MRPL42: variants seen among roughly 807,000 people sequenced by gnomAD.
The protein encoded by MRPL42 is large ribosomal subunit protein mL42.
Under a neutral mutation model 17.9 loss-of-function variants are expected in MRPL42, and 17 were observed. The observed-to-expected ratio is 0.95, with a 90% CI of 0.65 to 1.42. The LOEUF is 1.42. MRPL42 is among the 40% of genes most tolerant of loss of function. The probability of loss-of-function intolerance (pLI) is 0.00; values close to 1 mark genes in which losing one functional copy is unlikely to be tolerated. For synonymous variants in MRPL42, 59 were observed against 54.4 expected, an observed-to-expected ratio of 1.08 and a Z score of -0.37; for missense variants, 177 against 175.2, an observed-to-expected ratio of 1.01 and a Z score of -0.06.
intron 4 of MRPL42, among the ~76,000 whole-genome samples, chr12:93,481,589 T>G (rs1880467049): frequency 6.6e-6 from 1 of 152,168 alleles, no homozygotes; most frequent in South Asian, 2.1e-4. Flanking sequence ...CCAATACTGT[T>G]TTACCCTCAT....
chr12:93,510,015 A>T lies in MRPL42; in HGVS notation c.*8794A>T, dbSNP rs1953711757. ...TGGTGCTGTACAATCTATGGGTTTG[A>T]ACAAAGGTACAATGACATGTATCCA... On this transcript the variant is annotated 3_prime_UTR_variant, in exon 6 of 6. Transcript: ENST00000549982. 1.3e-5 allele frequency: 2 copies of T among 152,156 alleles called. No individual in the cohort carries two copies. Among genetic ancestry groups the T allele is most frequent in the African/African-American group, 4.8e-5 (2 of 41,428 alleles). The allele number at this position is 152,156 out of a possible 1,614,324, so 9.4% of individuals were successfully genotyped here. A position where few individuals can be genotyped will look rare whatever the true frequency, so the allele number is the denominator to read the frequency against.
chr12:93,509,578 A>C lies in MRPL42; in HGVS notation c.*8357A>C, dbSNP rs2121301707. On this transcript the variant is annotated 3_prime_UTR_variant, in exon 6 of 6. Coordinates refer to ENST00000549982, the MANE Select transcript of MRPL42 (RefSeq NM_014050.4). ...AGTCCAGAAGTTCTGGGTTGTAGTG[A>C]GCTATGTCAATCAGGTGTTTGCACT... 1 of 152,130 alleles carries C rather than the reference A, an allele frequency of 6.6e-6. No individual in the cohort carries two copies. Among genetic ancestry groups the C allele is most frequent in the African/African-American group, 2.4e-5 (1 of 41,490 alleles). 9.4% of individuals were successfully genotyped at this position (152,130 alleles called of 1,614,324 possible).
In MRPL42 at chr12:93,467,567, C is replaced by T. The variant is rs552458177; in HGVS notation, c.-95+13C>T. ...AGAAGCCGTCAAGGTAACCGCTTCC[C>T]TCTACTCCTCCTGTCGAGGACTTCC... On this transcript the variant is annotated intron_variant, in intron 1 of 5. Coordinates refer to ENST00000549982, the MANE Select transcript of MRPL42 (RefSeq NM_014050.4). 35 of 152,518 alleles carry T rather than the reference C, an allele frequency of 2.3e-4. 1 individual carries two copies. Among genetic ancestry groups the T allele is most frequent in the African/African-American group, 8.2e-4 (34 of 41,304 alleles). 9.4% of individuals were successfully genotyped at this position (152,518 alleles called of 1,614,324 possible).
chr12:93,496,250 G>C (rs756304914), intron 5 of MRPL42, among the ~76,000 whole-genome samples: 10 of 151,936 alleles, frequency 6.6e-5, no homozygotes, highest in Non-Finnish European at 1.5e-4. Flanking sequence ...GTAAAGGCAG[G>C]GTTTCGCCAT....
rs1953649188 is a variant in MRPL42, at chr12:93,504,729, T to C, written c.*3508T>C. ...AACATTGTTTATATGCCCCCTAAAATGTAACTTCTTTAGATTCTGTTGTTA... is the reference window on the plus strand; with the variant it reads ...AACATTGTTTATATGCCCCCTAAAACGTAACTTCTTTAGATTCTGTTGTTA... On this transcript the variant is annotated 3_prime_UTR_variant, in exon 6 of 6. Transcript: ENST00000549982. 1 of 152,210 alleles carries C rather than the reference T, an allele frequency of 6.6e-6. No homozygotes were observed. Among genetic ancestry groups the C allele is most frequent in the African/African-American group, 2.4e-5 (1 of 41,454 alleles). 9.4% of individuals were successfully genotyped at this position (152,210 alleles called of 1,614,324 possible). A position where few individuals can be genotyped will look rare whatever the true frequency, so the allele number is the denominator to read the frequency against.
At chr12:93,488,366 G>C (rs140729528) in intron 5 of MRPL42, 1 of 398,376 alleles carries the variant, frequency 2.5e-6, no homozygotes, top group Admixed American at 4.4e-5. Context: ...CCTCAGCTGG[G>C]ATTGTAAGAA....
In MRPL42 at chr12:93,507,492, G is replaced by A. The variant is rs1953683738; in HGVS notation, c.*6271G>A. On this transcript the variant is annotated 3_prime_UTR_variant, in exon 6 of 6. Transcript: ENST00000549982. ...GACTTAATGGGTTCTATCTTTTAAG[G>A]GAACTTTGGATGAATCCTTGAATAT... 1 of 152,090 alleles carries A rather than the reference G, an allele frequency of 6.6e-6. No individual in the cohort carries two copies. Among genetic ancestry groups the A allele is most frequent in the Non-Finnish European group, 1.5e-5 (1 of 68,028 alleles). The allele number at this position is 152,090 out of a possible 1,614,324, so 9.4% of individuals were successfully genotyped here. A position where few individuals can be genotyped will look rare whatever the true frequency, so the allele number is the denominator to read the frequency against.
rs1272354381 is a variant in MRPL42, at chr12:93,505,672, T to C, written c.*4451T>C. 6.6e-6 allele frequency: 1 copy of C among 152,216 alleles called. No homozygotes were observed. Among genetic ancestry groups the C allele is most frequent in the African/African-American group, 2.4e-5 (1 of 41,450 alleles). The allele number at this position is 152,216 out of a possible 1,614,324, so 9.4% of individuals were successfully genotyped here. A position where few individuals can be genotyped will look rare whatever the true frequency, so the allele number is the denominator to read the frequency against. The stretch of plus-strand genomic sequence containing the variant: ...ATATTTTGAATGCACTGGGAAGGAA[T>C]ACTCAGGAACAATATGTAATGTGCT... On this transcript the variant is annotated 3_prime_UTR_variant, in exon 6 of 6. Transcript: ENST00000549982.
At chr12:93,486,194 ATG>A (rs1592777754) in intron 4 of MRPL42, among the ~76,000 whole-genome samples, 1 of 152,084 alleles carries the variant, frequency 6.6e-6, no homozygotes, top group Non-Finnish European at 1.5e-5. Flanking sequence ...TATATCATTC[ATG>A]TGTGTTGAGG....
rs1204823470 is a variant in MRPL42 at position 93,509,949 on chromosome 12, A to G, written c.*8728A>G. 1.3e-5 allele frequency: 2 copies of G among 152,076 alleles called. No homozygotes were observed. The highest frequency in any genetic ancestry group is 1.3e-4 in the Admixed American group (2 of 15,260). The allele number at this position is 152,076 out of a possible 1,614,324, so 9.4% of individuals were successfully genotyped here. On this transcript the variant is annotated 3_prime_UTR_variant, in exon 6 of 6. Coordinates refer to ENST00000549982, the MANE Select transcript of MRPL42 (RefSeq NM_014050.4). ...ATTGATAAACCTACACTGACACATCATTATCACCCAAAGCCTATTGTTTCC... is the reference window on the plus strand; with the variant it reads ...ATTGATAAACCTACACTGACACATCGTTATCACCCAAAGCCTATTGTTTCC...
chr12:93,512,564 A>C lies in MRPL42; in HGVS notation c.*11343A>C, dbSNP rs1374831641. ...TCTGATAGCTTCAGAATTCTTTCAT[A>C]CAAGGCAGGAATGCAACTTGTTTTT... On this transcript the variant is annotated 3_prime_UTR_variant, in exon 6 of 6. Coordinates refer to ENST00000549982, the MANE Select transcript of MRPL42 (RefSeq NM_014050.4). The C allele has an allele frequency of 2.0e-5, 3 of 152,630 alleles. No homozygotes were observed. The highest frequency in any genetic ancestry group is 7.2e-5 in the African/African-American group (3 of 41,470). 9.5% of individuals were successfully genotyped at this position (152,630 alleles called of 1,614,324 possible). A position where few individuals can be genotyped will look rare whatever the true frequency, so the allele number is the denominator to read the frequency against.
Position 93,503,821 on chromosome 12 carries a change from A to G in MRPL42, c.*2600A>G, listed in dbSNP as rs1378583149. On this transcript the variant is annotated 3_prime_UTR_variant, in exon 6 of 6. Transcript: ENST00000549982. The stretch of plus-strand genomic sequence containing the variant: ...ACTTAATAGGAATTTTTTCCGTATC[A>G]TTAAGTACTCTGATTTAATGGGTGC... The G allele has an allele frequency of 6.6e-6, 1 of 151,930 alleles. No individual in the cohort carries two copies. Among genetic ancestry groups the G allele is most frequent in the African/African-American group, 2.4e-5 (1 of 41,346 alleles). The allele number at this position is 151,930 out of a possible 1,614,324, so 9.4% of individuals were successfully genotyped here.
At chr12:93,472,845 G>A (rs1179735284) in intron 2 of MRPL42, among the ~76,000 whole-genome samples, 1 of 152,112 alleles carries the variant, frequency 6.6e-6, no homozygotes. Context: ...GATTTTGGTA[G>A]CCCATGTAGT....
chr12:93,470,375 T>C, intron 2 of MRPL42: 1 of 1,009,644 alleles, frequency 9.9e-7, no homozygotes, highest in Admixed American at 3.9e-5. Context: ...TAAACAGCTC[T>C]TATAGGAAGC....
intron 5 of MRPL42, among the ~76,000 whole-genome samples, chr12:93,490,656 T>C (rs1343624600): frequency 1.3e-5 from 2 of 152,216 alleles, no homozygotes; most frequent in African/African-American, 4.8e-5. Flanking sequence ...TATCTGTCCA[T>C]CTGTCCATTC....
chr12:93,470,269 A>G (rs1233574027), intron 2 of MRPL42, among the ~76,000 whole-genome samples: 2 of 152,174 alleles, frequency 1.3e-5, no homozygotes, highest in Admixed American at 6.6e-5. Flanking sequence ...CAAAGCATGG[A>G]CCCAAATAAG....
intron 4 of MRPL42, among the ~76,000 whole-genome samples, chr12:93,487,140 T>C (rs1404648224): frequency 6.6e-6 from 1 of 152,108 alleles, no homozygotes; most frequent in African/African-American, 2.4e-5. Flanking sequence ...GTTTTTAAAT[T>C]TTTTTTGTCT....
At chr12:93,488,297 TCTCA>T (rs1953346280) in intron 5 of MRPL42, 1 of 398,300 alleles carries the variant, frequency 2.5e-6, no homozygotes, top group South Asian at 1.3e-4. Flanking sequence ...AGAGGCAAGG[TCTCA>T]CTCACTGTGT....
intron 2 of MRPL42, 97 bp from the exon 3 acceptor site, chr12:93,476,857 C>G: frequency 8.9e-7 from 1 of 1,127,824 alleles, no homozygotes; most frequent in East Asian, 2.4e-5. Context: ...TCATACTAAA[C>G]AGTAATGTTG....
Sources: gnomAD v4.1 joint callset for allele counts (sites outside exome capture counted in the v4.1 genomes callset) on GRCh38, gnomAD v4.1.1 for gene constraint, MANE v1.5 for transcripts, NCBI Gene and HGNC (gene_info 2026-07-23, HGNC 2026-07-21) for gene names.